CCDC179: variants seen among roughly 807,000 people sequenced by gnomAD.
CCDC179 encodes coiled-coil domain containing 179.
A neutral mutation model predicts 12.0 loss-of-function variants in CCDC179; 17 were observed. The observed-to-expected ratio is 1.42, with a 90% CI of 0.97 to 2.13. The LOEUF (loss-of-function observed/expected upper bound fraction) is 2.13, where lower values mean the gene tolerates loss of function less well. CCDC179 is among the 30% of genes most tolerant of loss of function. CCDC179 has a pLI of 0.00. For missense variants in CCDC179, 83 were observed against 78.6 expected (o/e 1.06, Z -0.21); for synonymous variants, 27 against 26.4 (o/e 1.02, Z -0.07).
At position 22,859,501 on chromosome 11, in the gene CCDC179, A is replaced by G; in HGVS notation, c.46-5T>C. 2 of 1,462,220 alleles carry G rather than the reference A, an allele frequency of 1.4e-6. No individual in the cohort carries two copies. The highest frequency in any genetic ancestry group is 2.5e-5 in the East Asian group (1 of 39,356). The allele number at this position is 1,462,220 out of a possible 1,614,324, so 90.6% of individuals were successfully genotyped here. A position where few individuals can be genotyped will look rare whatever the true frequency, so the allele number is the denominator to read the frequency against. ...ATGATGTTGTCTTGGTCCTTCCTAT[A>G]TAATAAACAAAATTAAAACACATTC... On this transcript the variant is annotated splice_region_variant and splice_polypyrimidine_tract_variant and intron_variant, in intron 1 of 3. Coordinates refer to ENST00000532798, the MANE Select transcript of CCDC179 (RefSeq NM_001195637.2).
At chr11:22,854,367 G>A (rs937872119) in intron 3 of CCDC179, among the ~76,000 whole-genome samples, 4 of 151,772 alleles carry the variant, frequency 2.6e-5, no homozygotes, top group African/African-American at 4.8e-5. Context: ...TTGCAACAAT[G>A]TATGTGTTGT....
chr11:22,850,976 A>ATATTTTTTTTTTTTTTT (rs1554920538), intron 3 of CCDC179, among the ~76,000 whole-genome samples: 1 of 6,122 alleles, frequency 1.6e-4, no homozygotes, highest in Non-Finnish European at 4.4e-4. Context: ...ATATATATAT[A>ATATTTTTTTTTTTTTTT]TTTTTTTTTT....
At chr11:22,857,739 C>T (rs898951434) in intron 3 of CCDC179, among the ~76,000 whole-genome samples, 183 bp downstream of exon 3, 1 of 151,678 alleles carries the variant, frequency 6.6e-6, no homozygotes, top group Admixed American at 6.6e-5. Flanking sequence ...ACCATATCAC[C>T]TCCAGGAGAT....
At position 22,857,924 on chromosome 11, in the gene CCDC179, G is replaced by A; in HGVS notation, c.193C>T (p.Leu65=). The stretch of plus-strand genomic sequence containing the variant: ...TTCAGTGAAACCTCTATACTTACTA[G>A]GAGTCCTGGTTCTGGAATAGGAGAA... ...RPSPIPEPGL[L]WSS Residue 65 remains leucine, a splice_region_variant and synonymous_variant, in exon 3 of 4, where the codon CTA becomes TTA. Coordinates refer to ENST00000532798, the MANE Select transcript of CCDC179 (RefSeq NM_001195637.2). 3 of 1,472,406 alleles carry A rather than the reference G, an allele frequency of 2.0e-6. No homozygotes were observed. Among genetic ancestry groups the A allele is most frequent in the South Asian group, 1.3e-5 (1 of 78,190 alleles). 91.2% of individuals were successfully genotyped at this position (1,472,406 alleles called of 1,614,324 possible).
intron 1 of CCDC179, among the ~76,000 whole-genome samples, chr11:22,859,985 G>C (rs1368271732): frequency 6.6e-6 from 1 of 152,170 alleles, no homozygotes; most frequent in African/African-American, 2.4e-5. Context: ...TTTCTTGATT[G>C]TACCTTAAAT....
At position 22,858,315 on chromosome 11, in the gene CCDC179, G is replaced by A. The variant is rs151032443; in HGVS notation, c.91-289C>T. ...TAGATCCAGACTCATGGATTAGTGTGCTTACTTTTGCTTTAAAAATAATGT... is the reference window on the plus strand; with the variant it reads ...TAGATCCAGACTCATGGATTAGTGTACTTACTTTTGCTTTAAAAATAATGT... On this transcript the variant is annotated intron_variant, in intron 2 of 3. Coordinates refer to ENST00000532798, the MANE Select transcript of CCDC179 (RefSeq NM_001195637.2). Among the ~76,000 whole-genome samples, 719 of 151,984 alleles carry A rather than the reference G, an allele frequency of 4.7e-3. 9 individuals are homozygous for A. Among genetic ancestry groups the A allele is most frequent in the African/African-American group, 0.016 (646 of 41,528 alleles).
At chr11:22,849,386 A>C (rs879731538) in intron 3 of CCDC179, among the ~76,000 whole-genome samples, 1 of 152,220 alleles carries the variant, frequency 6.6e-6, no homozygotes. Context: ...CTTATTTGTG[A>C]AACATTTCAG....
At chr11:22,860,060 C>T (rs963790964) in intron 1 of CCDC179, among the ~76,000 whole-genome samples, 15 of 152,228 alleles carry the variant, frequency 9.9e-5, no homozygotes, top group African/African-American at 3.4e-4. Flanking sequence ...ATCTGTTCCA[C>T]ATCTGGCAAT....
At position 22,852,913 on chromosome 11, in the gene CCDC179, A is replaced by T. The variant is rs529055500; in HGVS notation, c.195+5009T>A. Among the ~76,000 whole-genome samples the T allele has an allele frequency of 1.2e-4, 18 of 152,338 alleles. No homozygotes were observed. In the South Asian group the frequency reaches 3.7e-3, roughly 32 times the overall value. ...CTCACTTAAAGACTGAATCCTAATC[A>T]TAGGCTATGGAACCCTTCTTCCCCT... On this transcript the variant is annotated intron_variant, in intron 3 of 3. Transcript: ENST00000532798.
At chr11:22,859,330 AGAAATATACT>A (rs1308730478) in intron 2 of CCDC179, 112 bp downstream of exon 2, 1 of 504,948 alleles carries the variant, frequency 2.0e-6, no homozygotes, top group Non-Finnish European at 3.1e-6. Context: ...CAGAGTCCCA[AGAAATATACT>A]GAAGTGTCTA....
At chr11:22,848,193 C>A (rs1243950274) in intron 3 of CCDC179, among the ~76,000 whole-genome samples, 1 of 152,108 alleles carries the variant, frequency 6.6e-6, no homozygotes, top group Non-Finnish European at 1.5e-5. Flanking sequence ...CCTGTAATCC[C>A]CACATTTTGG....
chr11:22,859,099 C>T (rs2191688), intron 2 of CCDC179, among the ~76,000 whole-genome samples: 140,620 of 152,094 alleles, frequency 0.92, 65,984 homozygotes, highest in East Asian at 1. Flanking sequence ...AGATGGAGGT[C>T]ACCTCTGGGA....
chr11:22,856,666 A>G (rs1408427781), intron 3 of CCDC179, among the ~76,000 whole-genome samples: 1 of 151,598 alleles, frequency 6.6e-6, no homozygotes, highest in Admixed American at 6.6e-5. Context: ...ATGCAGTAAG[A>G]CAAAAAAAGG....
At chr11:22,850,957 T>C (rs866052911) in intron 3 of CCDC179, among the ~76,000 whole-genome samples, 2 of 10,452 alleles carry the variant, frequency 1.9e-4, no homozygotes, top group African/African-American at 4.2e-4. Flanking sequence ...TATATATATA[T>C]ATATATATAT....
chr11:22,850,976 A>ATATT (rs1554920538), intron 3 of CCDC179, among the ~76,000 whole-genome samples: 5 of 6,120 alleles, frequency 8.2e-4, no homozygotes, highest in Non-Finnish European at 1.3e-3. Context: ...ATATATATAT[A>ATATT]TTTTTTTTTT....
chr11:22,855,312 C>G (rs1160812556), intron 3 of CCDC179, among the ~76,000 whole-genome samples: 3 of 151,508 alleles, frequency 2.0e-5, no homozygotes, highest in African/African-American at 7.3e-5. Context: ...TTAAAATATA[C>G]TTTAACAAAT....
chr11:22,859,575 C>A, intron 1 of CCDC179, 79 bp from the exon 2 acceptor site: 2 of 760,496 alleles, frequency 2.6e-6, no homozygotes, highest in South Asian at 3.4e-5. Flanking sequence ...TAATAGGAAG[C>A]CTATGCTACT....
chr11:22,851,159 C>T (rs1361576971), intron 3 of CCDC179, among the ~76,000 whole-genome samples: 1 of 150,338 alleles, frequency 6.7e-6, no homozygotes, highest in Non-Finnish European at 1.5e-5. Context: ...GGGTTATAAA[C>T]ACTGGTATAT....
At chr11:22,850,959 TATATATATA>T (rs1858370385) in intron 3 of CCDC179, among the ~76,000 whole-genome samples, 7 of 13,030 alleles carry the variant, frequency 5.4e-4, no homozygotes, top group South Asian at 3.0e-3. Context: ...TATATATATA[TATATATATA>T]TATATATATT....
Sources: allele counts gnomAD v4.1 joint callset (sites outside exome capture counted in the v4.1 genomes callset), GRCh38; gene constraint gnomAD v4.1.1; transcripts MANE v1.5; gene names NCBI Gene and HGNC (gene_info 2026-07-23, HGNC 2026-07-21).